UMAD1: variants seen among roughly 807,000 people sequenced by gnomAD.
UMAD1 encodes UBAP1-MVB12-associated (UMA)-domain containing protein 1.
A neutral mutation model predicts 6.1 loss-of-function variants in UMAD1; 8 were observed. The observed-to-expected ratio is 1.30, with a 90% CI of 0.76 to 2.35. UMAD1 has a LOEUF of 2.35. UMAD1 is among the 30% of genes most tolerant of loss of function. UMAD1 has a pLI of 0.00. For missense variants in UMAD1, 130 were observed against 78.4 expected (o/e 1.66, Z -2.49); for synonymous variants, 56 against 31.4 (o/e 1.78, Z -2.61).
At chr7:7,655,027 A>G (rs1330867108) in intron 1 of UMAD1, among the ~76,000 whole-genome samples, 1 of 152,152 alleles carries the variant, frequency 6.6e-6, no homozygotes, top group East Asian at 1.9e-4. Context: ...ATTCTAGAAA[A>G]TTAGTAATTC....
intron 1 of UMAD1, among the ~76,000 whole-genome samples, chr7:7,667,031 A>G (rs991264078): frequency 6.6e-6 from 1 of 151,992 alleles, no homozygotes; most frequent in African/African-American, 2.4e-5. Context: ...CAGGTCTCTA[A>G]CTCCTAACCT....
chr7:7,674,502 T>C (rs910128269), intron 2 of UMAD1, among the ~76,000 whole-genome samples: 1 of 152,224 alleles, frequency 6.6e-6, no homozygotes, highest in Non-Finnish European at 1.5e-5. Flanking sequence ...CTGTCTTGTA[T>C]GTCCAGGGAC....
At chr7:7,692,276 G>C (rs1160082503) in intron 2 of UMAD1, 2 of 152,218 alleles carry the variant, frequency 1.3e-5, no homozygotes, top group Non-Finnish European at 2.9e-5. Context: ...AATGTGGGCA[G>C]GAATAGAGAC....
chr7:7,698,700 T>C (rs191898811), intron 2 of UMAD1, among the ~76,000 whole-genome samples: 1 of 152,230 alleles, frequency 6.6e-6, no homozygotes, highest in Non-Finnish European at 1.5e-5. Flanking sequence ...TTCAACCTTC[T>C]TTCTCCAGCT....
chr7:7,780,732 G>A (rs1782328331), intron 2 of UMAD1, among the ~76,000 whole-genome samples: 1 of 152,070 alleles, frequency 6.6e-6, no homozygotes, highest in South Asian at 2.1e-4. Flanking sequence ...CCTTTTCTGT[G>A]TCTCACTTCT....
intron 3 of UMAD1, among the ~76,000 whole-genome samples, chr7:7,864,330 G>C (rs1461301754): frequency 6.6e-6 from 1 of 152,042 alleles, no homozygotes; most frequent in Non-Finnish European, 1.5e-5. Context: ...TCTACATTTA[G>C]AAATATTAAT....
chr7:7,782,242 T>TA (rs1217302896), intron 2 of UMAD1, among the ~76,000 whole-genome samples: 2 of 118,628 alleles, frequency 1.7e-5, no homozygotes, highest in African/African-American at 6.0e-5. Flanking sequence ...TTAGGATAAA[T>TA]AAGGGAAAAA....
intron 2 of UMAD1, among the ~76,000 whole-genome samples, chr7:7,751,907 C>G (rs947516424): frequency 3.9e-5 from 6 of 152,160 alleles, no homozygotes; most frequent in African/African-American, 1.2e-4. Context: ...ATCACATTTC[C>G]TCACACAGGA....
At chr7:7,758,067 T>A (rs988743456) in intron 2 of UMAD1, among the ~76,000 whole-genome samples, 5 of 152,030 alleles carry the variant, frequency 3.3e-5, no homozygotes, top group African/African-American at 4.8e-5. Context: ...AAATTATTTT[T>A]ACATTATTAT....
chr7:7,674,809 A>G (rs1253897651), intron 2 of UMAD1, among the ~76,000 whole-genome samples: 3 of 152,204 alleles, frequency 2.0e-5, no homozygotes. Context: ...TAGCCTCGCT[A>G]ACAGAAAACT....
chr7:7,869,083 T>C (rs1784288783), intron 3 of UMAD1, among the ~76,000 whole-genome samples: 2 of 152,058 alleles, frequency 1.3e-5, no homozygotes. Context: ...TCTCAGGCAT[T>C]TAATAGCTAG....
intron 1 of UMAD1, among the ~76,000 whole-genome samples, chr7:7,644,489 T>C (rs12702629): frequency 0.16 from 23,855 of 152,174 alleles, 2,291 homozygotes; most frequent in Middle Eastern, 0.24. Flanking sequence ...AGGTATTCTA[T>C]TTTTCCTAAA....
chr7:7,673,387 A>G lies in UMAD1; in HGVS notation c.16A>G (p.Arg6Gly), dbSNP rs1333959695. The G allele has an allele frequency of 1.6e-6, 2 of 1,216,184 alleles. No individual in the cohort carries two copies. The highest frequency in any genetic ancestry group is 2.0e-5 in the Admixed American group (1 of 50,452). 75.3% of individuals were successfully genotyped at this position (1,216,184 alleles called of 1,614,324 possible). MFHFFRKPPESKKPSV... is the reference protein window; with the variant it reads MFHFFGKPPESKKPSV... ...AGCAGCAGCAATGTTTCACTTCTTC[A>G]GAAAGCCTCCGGAATCTAAAAAGCC... Residue 6 changes from arginine (R) to glycine (G), a missense_variant, in exon 2 of 4, where the codon AGA becomes GGA. Arg to Gly is a moderately radical substitution (Grantham distance 125). Coordinates refer to ENST00000682710, the MANE Select transcript of UMAD1 (RefSeq NM_001302348.2).
intron 2 of UMAD1, among the ~76,000 whole-genome samples, chr7:7,722,021 T>A (rs920687223): frequency 1.3e-5 from 2 of 152,110 alleles, no homozygotes; most frequent in Non-Finnish European, 2.9e-5. Context: ...ATGCTTCCTG[T>A]CCTTGAACAT....
chr7:7,733,073 A>C (rs1277490973), intron 2 of UMAD1, among the ~76,000 whole-genome samples: 1 of 152,234 alleles, frequency 6.6e-6, no homozygotes, highest in Non-Finnish European at 1.5e-5. Flanking sequence ...AAAAAGTCTT[A>C]AGCCAGAAAT....
intron 2 of UMAD1, among the ~76,000 whole-genome samples, chr7:7,692,042 C>A (rs1327380275): frequency 1.3e-5 from 2 of 152,150 alleles, no homozygotes; most frequent in African/African-American, 4.8e-5. Flanking sequence ...ACACATAGTA[C>A]AGTATGTTGA....
chr7:7,822,128 T>G (rs960030077), intron 3 of UMAD1, among the ~76,000 whole-genome samples: 1 of 151,998 alleles, frequency 6.6e-6, no homozygotes, highest in African/African-American at 2.4e-5. Flanking sequence ...TCCAGGGGGG[T>G]TTAGCTATTT....
chr7:7,822,788 T>C (rs927142371), intron 3 of UMAD1, among the ~76,000 whole-genome samples: 3 of 152,176 alleles, frequency 2.0e-5, no homozygotes, highest in Non-Finnish European at 2.9e-5. Flanking sequence ...TAGCAATCAA[T>C]TGAAGACATA....
At chr7:7,735,979 C>T (rs1442919490) in intron 2 of UMAD1, 1 of 152,328 alleles carries the variant, frequency 6.6e-6, no homozygotes, top group African/African-American at 2.4e-5. Context: ...ATATTTAGAT[C>T]CCCTGGTAAA....
Sources: gnomAD v4.1 joint callset for allele counts (sites outside exome capture counted in the v4.1 genomes callset) on GRCh38, gnomAD v4.1.1 for gene constraint, MANE v1.5 for transcripts, NCBI Gene and HGNC (gene_info 2026-07-23, HGNC 2026-07-21) for gene names.